URAD: variants seen among roughly 807,000 people sequenced by gnomAD.
The protein encoded by URAD is ureidoimidazoline (2-oxo-4-hydroxy-4-carboxy-5-) decarboxylase.
Under a neutral mutation model 4.6 loss-of-function variants are expected in URAD, and 4 were observed. The observed-to-expected ratio is 0.87, with a 90% CI of 0.43 to 1.98. The LOEUF (loss-of-function observed/expected upper bound fraction) is 1.98. URAD is among the 30% of genes most tolerant of loss of function. URAD has a pLI of 0.03. For missense variants in URAD, 300 were observed against 255.3 expected, an observed-to-expected ratio of 1.18 and a Z score of -1.19; for synonymous variants, 144 against 118.2, an observed-to-expected ratio of 1.22 and a Z score of -1.41.
chr13:27,981,163 C>T (rs572663895), intron 1 of URAD, among the ~76,000 whole-genome samples: 24 of 152,174 alleles, frequency 1.6e-4, no homozygotes, highest in African/African-American at 5.8e-4. Flanking sequence ...TCTTCATTGC[C>T]CCAAACCACT....
chr13:27,978,562 C>CGCCCG lies in URAD; in HGVS notation c.176-115_176-111dup, dbSNP rs1273385991. On this transcript the variant is annotated intron_variant, in intron 1 of 1. Coordinates refer to ENST00000332715, the MANE Select transcript of URAD (RefSeq NM_001105577.2). The stretch of plus-strand genomic sequence containing the variant: ...CCGGCCCCCCTGCCCCGCCCCGCCC[C>CGCCCG]GCCCGGCCCCAAAGAAGGCTGCGGG... 21 of 818,680 alleles carry CGCCCG rather than the reference C, an allele frequency of 2.6e-5. No homozygotes were observed. In the African/African-American group the frequency reaches 3.2e-4, roughly 13 times the overall value. 50.7% of individuals were successfully genotyped at this position (818,680 alleles called of 1,614,324 possible).
intron 1 of URAD, among the ~76,000 whole-genome samples, chr13:27,987,829 C>A (rs142430664): frequency 6.6e-6 from 1 of 151,834 alleles, no homozygotes; most frequent in Admixed American, 6.6e-5. Context: ...ACTTACTGAA[C>A]CTTCCAAAGG....
At chr13:27,982,573 G>C (rs1384976480) in intron 1 of URAD, among the ~76,000 whole-genome samples, 1 of 152,130 alleles carries the variant, frequency 6.6e-6, no homozygotes, top group African/African-American at 2.4e-5. Context: ...AGTGCCCTCA[G>C]CCAGTCGTAG....
chr13:27,981,603 A>G (rs963682656), intron 1 of URAD, among the ~76,000 whole-genome samples: 1 of 152,104 alleles, frequency 6.6e-6, no homozygotes, highest in Non-Finnish European at 1.5e-5. Context: ...AGGGCAGGCA[A>G]TTGTGGCCAT....
chr13:27,981,769 AC>A (rs1869884155), intron 1 of URAD, among the ~76,000 whole-genome samples: 1 of 152,188 alleles, frequency 6.6e-6, no homozygotes, highest in Non-Finnish European at 1.5e-5. Context: ...CCTGTCAAAG[AC>A]TTTGCTTCTG....
chr13:27,979,088 C>T (rs1186092722), intron 1 of URAD, among the ~76,000 whole-genome samples: 1 of 152,128 alleles, frequency 6.6e-6, no homozygotes, highest in Non-Finnish European at 1.5e-5. Context: ...ATCAGGCATC[C>T]AAAGAGCCTT....
chr13:27,977,919 T>A lies in URAD; in HGVS notation c.*187A>T. Reference sequence around the variant, plus strand: ...ACAATATGGATATTTTGGCAACGCGTGCGCGTGTGGGTGGGCGGACAAAAG... The same window carrying A: ...ACAATATGGATATTTTGGCAACGCGAGCGCGTGTGGGTGGGCGGACAAAAG... On this transcript the variant is annotated 3_prime_UTR_variant, in exon 2 of 2. Coordinates refer to ENST00000332715, the MANE Select transcript of URAD (RefSeq NM_001105577.2). 1 of 519,452 alleles carries A rather than the reference T, an allele frequency of 1.9e-6. No homozygotes were observed. 32.2% of individuals were successfully genotyped at this position (519,452 alleles called of 1,614,324 possible).
chr13:27,978,755 T>A (rs1869795891), intron 1 of URAD, among the ~76,000 whole-genome samples: 1 of 151,724 alleles, frequency 6.6e-6, no homozygotes, highest in Non-Finnish European at 1.5e-5. Flanking sequence ...TTTGAGACCT[T>A]GGGTCAAGAA....
Position 27,977,855 on chromosome 13 carries a change from T to G in URAD, c.*251A>C. 1 of 439,344 alleles carries G rather than the reference T, an allele frequency of 2.3e-6. No homozygotes were observed. Among genetic ancestry groups the G allele is most frequent in the Non-Finnish European group, 4.0e-6 (1 of 250,530 alleles). 27.2% of individuals were successfully genotyped at this position (439,344 alleles called of 1,614,324 possible). A position where few individuals can be genotyped will look rare whatever the true frequency, so the allele number is the denominator to read the frequency against. On this transcript the variant is annotated 3_prime_UTR_variant, in exon 2 of 2. Transcript: ENST00000332715. ...GGGGGCCGCAAAGGGAGTGAAGAATTGAAGCAGTGAGCTGGATAAATCCGG... is the reference window on the plus strand; with the variant it reads ...GGGGGCCGCAAAGGGAGTGAAGAATGGAAGCAGTGAGCTGGATAAATCCGG...
intron 1 of URAD, 131 bp from the exon 2 acceptor site, chr13:27,978,583 G>T: frequency 1.5e-6 from 1 of 683,540 alleles, no homozygotes; most frequent in Non-Finnish European, 2.0e-6. Context: ...AAAGAAGGCT[G>T]CGGGAGGGTG....
chr13:27,988,614 G>A lies in URAD; in HGVS notation c.24C>T (p.Ser8=). The A allele has an allele frequency of 6.2e-7, 1 of 1,610,290 alleles. No individual in the cohort carries two copies. Among genetic ancestry groups the A allele is most frequent in the Non-Finnish European group, 8.5e-7 (1 of 1,178,188 alleles). Residue 8 remains serine (S), a synonymous_variant, in exon 1 of 2, where the codon TCC becomes TCT. Coordinates refer to ENST00000332715, the MANE Select transcript of URAD (RefSeq NM_001105577.2). Reference sequence around the variant, plus strand: ...CATCCACGAATTCTCCAAGGTCCATGGAGTTGACCTTCTCAATGTCCATTC... The same window carrying A: ...CATCCACGAATTCTCCAAGGTCCATAGAGTTGACCTTCTCAATGTCCATTC... MDIEKVN[S]MDLGEFVDVF...
rs889060980 is a variant in URAD, at chr13:27,978,230, C to G, written c.398G>C (p.Arg133Pro). ...ARFSDRTAVP[R>P]ELARRLLCPS... is the part of the protein sequence containing the mutation. Reference sequence around the variant, plus strand: ...GCAGAGCAGCCGGCGCGCCAGCTCGCGCGGCACCGCCGTCCGGTCGCTGAA... The same window carrying G: ...GCAGAGCAGCCGGCGCGCCAGCTCGGGCGGCACCGCCGTCCGGTCGCTGAA... The change falls in exon 2 of 2, where the codon CGC becomes CCC. Residue 133 changes from arginine to proline, a missense_variant. Transcript: ENST00000332715. The G allele has an allele frequency of 1.4e-6, 2 of 1,466,414 alleles. No individual in the cohort carries two copies. Among genetic ancestry groups the G allele is most frequent in the Non-Finnish European group, 1.8e-6 (2 of 1,118,694 alleles). The allele number at this position is 1,466,414 out of a possible 1,614,324, so 90.8% of individuals were successfully genotyped here. A position where few individuals can be genotyped will look rare whatever the true frequency, so the allele number is the denominator to read the frequency against.
chr13:27,980,087 T>C (rs985209648), intron 1 of URAD, among the ~76,000 whole-genome samples: 1 of 152,190 alleles, frequency 6.6e-6, no homozygotes, highest in Non-Finnish European at 1.5e-5. Context: ...GTGTGTTTTT[T>C]CAAGACAGCT....
At chr13:27,984,817 A>G (rs1201295251) in intron 1 of URAD, among the ~76,000 whole-genome samples, 4 of 151,992 alleles carry the variant, frequency 2.6e-5, no homozygotes, top group Non-Finnish European at 5.9e-5. Flanking sequence ...TCTCTAGTTA[A>G]AAAATACAAA....
rs1313404491 is a variant in URAD, at chr13:27,978,238, C to T, written c.390G>A (p.Ala130=). ...VLAARFSDRT[A]VPRELARRLL... ...GCCGGCGCGCCAGCTCGCGCGGCAC[C>T]GCCGTCCGGTCGCTGAAGCGCGCGG... The change falls in exon 2 of 2, where the codon GCG becomes GCA. Residue 130 remains alanine, a synonymous_variant. Coordinates refer to ENST00000332715, the MANE Select transcript of URAD (RefSeq NM_001105577.2). 5.5e-6 allele frequency: 8 copies of T among 1,458,722 alleles called. No homozygotes were observed. The South Asian group carries it at 9.5e-5, about 17-fold the overall frequency. The allele number at this position is 1,458,722 out of a possible 1,614,324, so 90.4% of individuals were successfully genotyped here. A position where few individuals can be genotyped will look rare whatever the true frequency, so the allele number is the denominator to read the frequency against.
At chr13:27,978,543 C>CCCCTG in intron 1 of URAD, 91 bp from the exon 2 acceptor site, 1 of 1,010,732 alleles carries the variant, frequency 9.9e-7, no homozygotes, top group Non-Finnish European at 1.3e-6. Context: ...GCGCCCGGCC[C>CCCCTG]CCCTGCCCCG....
chr13:27,978,199 G>A lies in URAD; in HGVS notation c.429C>T (p.Ser143=), dbSNP rs763927581. The A allele has an allele frequency of 2.7e-6, 4 of 1,498,082 alleles. No individual in the cohort carries two copies. The South Asian group carries it at 3.8e-5, about 14-fold the overall frequency. The allele number at this position is 1,498,082 out of a possible 1,614,324, so 92.8% of individuals were successfully genotyped here. ...RELARRLLCP[S]AQELRTALGE... is the part of the protein sequence containing the mutation. ...CCAGAGCAGTGCGCAGCTCCTGCGC[G>A]GACGGGCAGAGCAGCCGGCGCGCCA... The change falls in exon 2 of 2, where the codon TCC becomes TCT. Residue 143 remains serine, a synonymous_variant. Transcript: ENST00000332715.
rs748867122 is a variant in URAD, at chr13:27,978,150, G to A, written c.478C>T (p.Leu160=). Residue 160 remains leucine, a synonymous_variant, in exon 2 of 2, where the codon CTG becomes TTG. Transcript: ENST00000332715. ...GCGCGGAGGAGGTCGGCCAGGCGCA[G>A]GCTGCCGATCTTCTTCACCTCGCCC... ...ALGEVKKIGS[L]RLADLLRADP... is the part of the protein sequence containing the mutation. 3 of 1,532,626 alleles carry A rather than the reference G, an allele frequency of 2.0e-6. No homozygotes were observed. Among genetic ancestry groups the A allele is most frequent in the Non-Finnish European group, 2.6e-6 (3 of 1,152,616 alleles). 94.9% of individuals were successfully genotyped at this position (1,532,626 alleles called of 1,614,324 possible).
chr13:27,979,367 TG>T (rs919149628), intron 1 of URAD, among the ~76,000 whole-genome samples: 2 of 152,204 alleles, frequency 1.3e-5, no homozygotes, highest in Non-Finnish European at 2.9e-5. Context: ...GAGTTAGCGC[TG>T]GGCAATCATC....
Sources: allele counts gnomAD v4.1 joint callset (sites outside exome capture counted in the v4.1 genomes callset), GRCh38; gene constraint gnomAD v4.1.1; transcripts MANE v1.5; gene names NCBI Gene and HGNC (gene_info 2026-07-23, HGNC 2026-07-21).